Variants in ANK3 observed in about 807,000 individuals in gnomAD.
ANK3 encodes the protein ankyrin 3.
In ANK3, 57 loss-of-function variants were observed where a neutral mutation model predicts 370.9. That is an observed-to-expected ratio of 0.15 (90% CI 0.12 to 0.19). The LOEUF is 0.19. Among genes scored for constraint, ANK3 ranks in the 10% least tolerant of loss-of-function variants. The pLI is 1.00. For synonymous variants in ANK3, 1,929 were observed against 1,946.3 expected (o/e 0.99, Z 0.23); for missense variants, 4,439 against 5,302.1 (o/e 0.84, Z 5.06).
chr10:60,143,078 A>G lies in ANK3; in HGVS notation c.2615-3991T>C, dbSNP rs749964790. The stretch of plus-strand genomic sequence containing the variant: ...TTATTCTGTTGCACAATTTTTTCCA[A>G]TGCCCAAATATCTGAATGCATGAAC... On this transcript the variant is annotated intron_variant, in intron 23 of 43. Transcript: ENST00000280772. Among the ~76,000 whole-genome samples the G allele has an allele frequency of 3.9e-5, 6 of 152,214 alleles. No homozygotes were observed. In the East Asian group the frequency reaches 9.6e-4, roughly 24 times the overall value.
At chr10:60,174,362 C>T (rs2132319303) in intron 18 of ANK3, among the ~76,000 whole-genome samples, 1 of 152,302 alleles carries the variant, frequency 6.6e-6, no homozygotes, top group Middle Eastern at 3.4e-3. Context: ...ACCTCTAACG[C>T]TACTGAATAC....
intron 1 of ANK3, among the ~76,000 whole-genome samples, chr10:60,652,471 G>A (rs2078802524): frequency 6.6e-6 from 1 of 151,916 alleles, no homozygotes; most frequent in African/African-American, 2.4e-5. Context: ...CTTGAAAAAG[G>A]TCTTATTAAG....
At chr10:60,647,128 A>G (rs969295334) in intron 1 of ANK3, among the ~76,000 whole-genome samples, 1 of 152,212 alleles carries the variant, frequency 6.6e-6, no homozygotes, top group Non-Finnish European at 1.5e-5. Flanking sequence ...TGTGCCCGGC[A>G]CTGTGCTGAG....
At chr10:60,711,748 T>C (rs1253735380) in intron 1 of ANK3, among the ~76,000 whole-genome samples, 1 of 152,038 alleles carries the variant, frequency 6.6e-6, no homozygotes, top group African/African-American at 2.4e-5. Context: ...GCAGAATAGA[T>C]ACCAAAAAAT....
At chr10:60,512,044 C>T (rs1041307393) in intron 2 of ANK3, among the ~76,000 whole-genome samples, 4 of 151,962 alleles carry the variant, frequency 2.6e-5, no homozygotes, top group Non-Finnish European at 5.9e-5. Context: ...CAGGGAATCC[C>T]CTTTCCTGGA....
chr10:60,421,534 T>C (rs1594995971), intron 2 of ANK3, among the ~76,000 whole-genome samples: 1 of 151,842 alleles, frequency 6.6e-6, no homozygotes, highest in East Asian at 1.9e-4. Context: ...GAAAATCAAG[T>C]GGAGGACAAT....
intron 2 of ANK3, among the ~76,000 whole-genome samples, chr10:60,402,343 A>G (rs1268855914): frequency 1.3e-5 from 2 of 152,222 alleles, no homozygotes; most frequent in African/African-American, 4.8e-5. Flanking sequence ...ATGAGACACC[A>G]AAGAATTTAC....
intron 1 of ANK3, among the ~76,000 whole-genome samples, chr10:60,315,064 T>A (rs1375175383): frequency 6.6e-6 from 1 of 152,172 alleles, no homozygotes; most frequent in Non-Finnish European, 1.5e-5. Flanking sequence ...AATTTTCCAG[T>A]TTACGCAGCC....
At chr10:60,326,747 C>T (rs1593811385) in intron 1 of ANK3, among the ~76,000 whole-genome samples, 1 of 152,118 alleles carries the variant, frequency 6.6e-6, no homozygotes, top group African/African-American at 2.4e-5. Flanking sequence ...CCCGACCGGG[C>T]GCGTTGACTC....
intron 42 of ANK3, chr10:60,051,709 T>C (rs2078060857): frequency 3.7e-6 from 1 of 268,938 alleles, no homozygotes; most frequent in Non-Finnish European, 5.6e-6. Context: ...CCATGATGTA[T>C]ATTTGTGAGA....
At chr10:60,514,741 G>A (rs1263235202) in intron 2 of ANK3, among the ~76,000 whole-genome samples, 1 of 152,036 alleles carries the variant, frequency 6.6e-6, no homozygotes, top group African/African-American at 2.4e-5. Context: ...GCAATAAAAT[G>A]TTCTCCTAAT....
At chr10:60,579,213 T>C (rs1273389506) in intron 2 of ANK3, among the ~76,000 whole-genome samples, 1 of 150,792 alleles carries the variant, frequency 6.6e-6, no homozygotes, top group East Asian at 2.0e-4. Context: ...TAGTCCCAGC[T>C]ACTCAGGAGG....
chr10:60,505,847 C>T (rs2075924976), intron 2 of ANK3, among the ~76,000 whole-genome samples: 1 of 152,052 alleles, frequency 6.6e-6, no homozygotes, highest in African/African-American at 2.4e-5. Context: ...ATTTTCCAAG[C>T]ACAATTAAAT....
chr10:60,057,684 G>C (rs2079485248), intron 41 of ANK3, among the ~76,000 whole-genome samples: 1 of 152,110 alleles, frequency 6.6e-6, no homozygotes, highest in South Asian at 2.1e-4. Flanking sequence ...ATGGAACCAG[G>C]GGATTCACTA....
intron 1 of ANK3, among the ~76,000 whole-genome samples, chr10:60,329,734 C>T (rs1229251975): frequency 6.6e-6 from 1 of 152,152 alleles, no homozygotes; most frequent in East Asian, 1.9e-4. Context: ...AGATTCAATG[C>T]TATCCTCATC....
intron 42 of ANK3, among the ~76,000 whole-genome samples, chr10:60,046,528 CA>C (rs1360456649): frequency 9.9e-5 from 15 of 151,972 alleles, no homozygotes; most frequent in Non-Finnish European, 1.8e-4. Flanking sequence ...TATGTATAAG[CA>C]TAGTGAATAC....
intron 14 of ANK3, among the ~76,000 whole-genome samples, chr10:60,197,119 C>T (rs192227462): frequency 2.0e-5 from 3 of 152,276 alleles, no homozygotes; most frequent in East Asian, 1.9e-4. Context: ...CTTCTTTCCC[C>T]GTTTCTCCAT....
At chr10:60,133,362 T>G (rs879622772) in intron 25 of ANK3, among the ~76,000 whole-genome samples, 4 of 152,256 alleles carry the variant, frequency 2.6e-5, no homozygotes, top group Non-Finnish European at 5.9e-5. Flanking sequence ...AGGACCATCC[T>G]GAGCCCACAT....
intron 9 of ANK3, among the ~76,000 whole-genome samples, chr10:60,211,892 CAAAAAAAAA>C (rs72238553): frequency 4.3e-5 from 4 of 93,402 alleles, no homozygotes; most frequent in Admixed American, 1.3e-4. Context: ...AATACAGAGC[CAAAAAAAAA>C]AAAAAAAAAA....
Sources: allele counts gnomAD v4.1 joint callset (sites outside exome capture counted in the v4.1 genomes callset), GRCh38; gene constraint gnomAD v4.1.1; transcripts MANE v1.5; gene names NCBI Gene and HGNC (gene_info 2026-07-23, HGNC 2026-07-21).